The following BOD1L1 variants were observed in gnomAD, a reference collection of about 807,000 sequenced individuals.
The protein encoded by BOD1L1 is biorientation of chromosomes in cell division 1 like 1.
Under a neutral mutation model 240.7 loss-of-function variants are expected in BOD1L1, and 86 were observed. The ratio of observed to expected loss-of-function variants is 0.36; its 90% CI spans 0.30 to 0.43. The LOEUF (loss-of-function observed/expected upper bound fraction) is 0.43. Among genes scored for constraint, BOD1L1 ranks in the 20% least tolerant of loss-of-function variants. BOD1L1 has a pLI of 1.00. For synonymous variants in BOD1L1, 1,268 were observed against 1,272.3 expected, an observed-to-expected ratio of 1.00 and a Z score of 0.07; for missense variants, 3,554 against 3,643.5, an observed-to-expected ratio of 0.98 and a Z score of 0.63.
At chr4:13,584,454 G>GTC (rs1355761990) in intron 17 of BOD1L1, among the ~76,000 whole-genome samples, 1 of 142,362 alleles carries the variant, frequency 7.0e-6, no homozygotes, top group East Asian at 2.0e-4. Context: ...GTGTGTGTGT[G>GTC]TGTGTGTGTG....
chr4:13,590,435 T>C lies in BOD1L1; in HGVS notation c.8160A>G (p.Ser2720=). The stretch of plus-strand genomic sequence containing the variant: ...GAATTTCTTCATTTGTTCTGAAGCC[T>C]GAATTTTCAACCTAAATATACAATA... ...LVNESLNVEN[S]GFRTNEEIHS... is the part of the protein sequence containing the mutation. The change falls in exon 14 of 26, where the codon TCA becomes TCG. Residue 2720 remains serine, a synonymous_variant. Transcript: ENST00000040738. 6.6e-7 allele frequency: 1 copy of C among 1,515,952 alleles called. No homozygotes were observed. The highest frequency in any genetic ancestry group is 9.0e-7 in the Non-Finnish European group (1 of 1,107,846). 93.9% of individuals were successfully genotyped at this position (1,515,952 alleles called of 1,614,324 possible). A position where few individuals can be genotyped will look rare whatever the true frequency, so the allele number is the denominator to read the frequency against.
chr4:13,621,926 G>A (rs1483133706), intron 1 of BOD1L1, among the ~76,000 whole-genome samples: 3 of 147,910 alleles, frequency 2.0e-5, no homozygotes, highest in Non-Finnish European at 4.4e-5. Context: ...GTACAGTGGT[G>A]TGATCTCGGC....
chr4:13,581,296 G>A (rs1713213230), intron 19 of BOD1L1, 89 bp from the exon 20 acceptor site: 1 of 950,882 alleles, frequency 1.1e-6, no homozygotes, highest in Admixed American at 2.8e-5. Context: ...CAGATTTAGA[G>A]TTCCTGTCTA....
intron 21 of BOD1L1, 22 bp from the exon 22 acceptor site, chr4:13,579,995 A>G: frequency 6.5e-7 from 1 of 1,531,286 alleles, no homozygotes; most frequent in Non-Finnish European, 8.8e-7. Context: ...TAAACAAACA[A>G]AAAAAAATTT....
chr4:13,613,724 T>A lies in BOD1L1; in HGVS notation c.1175-63A>T. ...CTTATTATAAGAACATACTCAGAGC[T>A]CAATTACTAAATTACACTTAAAATT... On this transcript the variant is annotated intron_variant, in intron 4 of 25. Coordinates refer to ENST00000040738, the MANE Select transcript of BOD1L1 (RefSeq NM_148894.3). The surrounding 1 kb of genome is among the most constrained non-coding windows in gnomAD (Gnocchi z 4.0). 3 of 1,285,954 alleles carry A rather than the reference T, an allele frequency of 2.3e-6. No individual in the cohort carries two copies. Among genetic ancestry groups the A allele is most frequent in the Non-Finnish European group, 3.1e-6 (3 of 971,776 alleles). 79.7% of individuals were successfully genotyped at this position (1,285,954 alleles called of 1,614,324 possible). A position where few individuals can be genotyped will look rare whatever the true frequency, so the allele number is the denominator to read the frequency against.
intron 6 of BOD1L1, 41 bp from the exon 7 acceptor site, chr4:13,609,447 C>A (rs1283462368): frequency 2.4e-5 from 29 of 1,212,836 alleles, no homozygotes; most frequent in Admixed American, 3.5e-5. Flanking sequence ...TAGGCAAAGG[C>A]AAAAACACAC....
At chr4:13,593,652 T>C (rs1445919653) in intron 12 of BOD1L1, 1 of 152,108 alleles carries the variant, frequency 6.6e-6, no homozygotes, top group Non-Finnish European at 1.5e-5. Flanking sequence ...CAAGTACGTA[T>C]CTTTATTATA....
chr4:13,601,150 G>A lies in BOD1L1; in HGVS notation c.5750C>T (p.Ala1917Val), dbSNP rs780670821. The stretch of plus-strand genomic sequence containing the variant: ...ATTCATGATGGCAGCTCCAGCCTCA[G>A]CTTCCACATGCTCTACCACAGTACC... The part of the protein sequence containing the change: ...QIGTVVEHVE[A>V]EAGAAIMNAN... The change falls in exon 10 of 26, where the codon GCT (alanine) becomes GTT (valine). Residue 1917 changes from alanine (A) to valine (V), a missense_variant. Ala to Val is a moderately conservative substitution (Grantham distance 64). Transcript: ENST00000040738. 6.2e-7 allele frequency: 1 copy of A among 1,613,976 alleles called. No homozygotes were observed. Among genetic ancestry groups the A allele is most frequent in the Admixed American group, 1.7e-5 (1 of 60,006 alleles).
At position 13,604,897 on chromosome 4, in the gene BOD1L1, T is replaced by C; in HGVS notation, c.2003A>G (p.Gln668Arg). Residue 668 changes from glutamine (Q) to arginine (R), a missense_variant, in exon 10 of 26, where the codon CAG becomes CGG. Gln to Arg is a conservative substitution (Grantham distance 43, BLOSUM62 1). Coordinates refer to ENST00000040738, the MANE Select transcript of BOD1L1 (RefSeq NM_148894.3). ...TSTPVIMEGV[Q>R]EETDTRDVKR... ...TACATCTCTTGTGTCAGTCTCTTCCTGTACCCCCTCCATGATAACAGGGGT... is the reference window on the plus strand; with the variant it reads ...TACATCTCTTGTGTCAGTCTCTTCCCGTACCCCCTCCATGATAACAGGGGT... The C allele has an allele frequency of 6.2e-7, 1 of 1,613,484 alleles. No homozygotes were observed. Among genetic ancestry groups the C allele is most frequent in the African/African-American group, 1.3e-5 (1 of 75,020 alleles).
chr4:13,584,917 A>C (rs1713550039), intron 17 of BOD1L1, among the ~76,000 whole-genome samples: 1 of 152,226 alleles, frequency 6.6e-6, no homozygotes, highest in Non-Finnish European at 1.5e-5. Context: ...GATGATATTA[A>C]ATAAATGCTA....
chr4:13,622,419 A>T (rs1717103444), intron 1 of BOD1L1, among the ~76,000 whole-genome samples: 1 of 152,186 alleles, frequency 6.6e-6, no homozygotes, highest in Non-Finnish European at 1.5e-5. Flanking sequence ...TTCTCCTAGG[A>T]ACATGTATGT....
At position 13,599,828 on chromosome 4, in the gene BOD1L1, C is replaced by T. The variant is rs1217342897; in HGVS notation, c.7072G>A (p.Glu2358Lys). 1 of 1,614,042 alleles carries T rather than the reference C, an allele frequency of 6.2e-7. No individual in the cohort carries two copies. The highest frequency in any genetic ancestry group is 1.1e-5 in the South Asian group (1 of 91,082). ...EENQLTADNP[E>K]GNGDLSATEV... ...GTGGCTGACAGGTCACCGTTCCCTT[C>T]TGGGTTGTCTGCAGTCAGCTGATTC... The change falls in exon 10 of 26, where the codon GAA (glutamate) becomes AAA (lysine). Residue 2358 changes from glutamate (E) to lysine (K), a missense_variant. Physicochemically the swap from Glu to Lys is moderately conservative, Grantham distance 56. Coordinates refer to ENST00000040738, the MANE Select transcript of BOD1L1 (RefSeq NM_148894.3).
Position 13,613,777 on chromosome 4 carries a change from CA to C in BOD1L1, c.1175-117del. On this transcript the variant is annotated intron_variant, in intron 4 of 25. Transcript: ENST00000040738. The surrounding 1 kb of genome is among the most constrained non-coding windows in gnomAD (Gnocchi z 4.0). ...CTGCTTTAAATACGTGTCAAACTATCAAACAAGGCAGAGTGGTTTCCAGAAA... is the reference window on the plus strand; with the variant it reads ...CTGCTTTAAATACGTGTCAAACTATCAACAAGGCAGAGTGGTTTCCAGAAA... 3 of 751,734 alleles carry C rather than the reference CA, an allele frequency of 4.0e-6. No individual in the cohort carries two copies. Among genetic ancestry groups the C allele is most frequent in the Non-Finnish European group, 5.7e-6 (3 of 523,234 alleles). 46.6% of individuals were successfully genotyped at this position (751,734 alleles called of 1,614,324 possible).
intron 3 of BOD1L1, 97 bp downstream of exon 3, chr4:13,615,215 C>A: frequency 8.1e-7 from 1 of 1,240,752 alleles, no homozygotes; most frequent in Non-Finnish European, 1.1e-6. Flanking sequence ...TTGGAATAGC[C>A]AAATTAAAAA....
intron 4 of BOD1L1, 97 bp downstream of exon 4, chr4:13,614,095 TTAAA>T (rs1322720720): frequency 1.4e-5 from 15 of 1,100,660 alleles, no homozygotes; most frequent in Non-Finnish European, 1.9e-5. Flanking sequence ...TCCAAAAGTA[TTAAA>T]TAAACTTATT....
chr4:13,588,894 A>ATTGAGT, intron 14 of BOD1L1, 102 bp from the exon 15 acceptor site: 1 of 755,478 alleles, frequency 1.3e-6, no homozygotes, highest in East Asian at 2.8e-5. Flanking sequence ...CTGAGTTAGT[A>ATTGAGT]ACTTTATTGA....
intron 22 of BOD1L1, 178 bp from the exon 23 acceptor site, chr4:13,577,809 TTG>T (rs1712891215): frequency 4.5e-6 from 2 of 443,776 alleles, no homozygotes; most frequent in African/African-American, 2.0e-5. Flanking sequence ...TCACATTGGA[TTG>T]TGAGTCACGA....
chr4:13,601,823 C>T lies in BOD1L1; in HGVS notation c.5077G>A (p.Ala1693Thr), dbSNP rs1715205214. 6.2e-7 allele frequency: 1 copy of T among 1,613,888 alleles called. No homozygotes were observed. ...GATCCTGCTCTTATCTCTGTTCCAG[C>T]ACTTGTAACTGCTCCATCACTTTCA... ...EVESDGAVTSAGTEIRAGSIS... is the reference protein window; with the variant it reads ...EVESDGAVTSTGTEIRAGSIS... The change falls in exon 10 of 26, where the codon GCT (alanine) becomes ACT (threonine). Residue 1693 changes from alanine to threonine, a missense_variant. Physicochemically the swap from Ala to Thr is moderately conservative, Grantham distance 58. Transcript: ENST00000040738.
intron 1 of BOD1L1, 80 bp downstream of exon 1, chr4:13,627,265 A>T: frequency 4.2e-6 from 3 of 716,940 alleles, no homozygotes; most frequent in Non-Finnish European, 5.5e-6. Flanking sequence ...TGCAGCTCCA[A>T]GAGGAAGCCA....
Sources: allele counts gnomAD v4.1 joint callset (sites outside exome capture counted in the v4.1 genomes callset), GRCh38; gene constraint gnomAD v4.1.1; non-coding constraint Gnocchi (gnomAD v3.1); transcripts MANE v1.5; gene names NCBI Gene and HGNC (gene_info 2026-07-23, HGNC 2026-07-21).